The following SFSWAP variants were observed in gnomAD, a reference collection of about 807,000 sequenced individuals.
SFSWAP encodes splicing factor SWAP, also known as splicing factor, suppressor of white-apricot homolog.
In SFSWAP, 17 loss-of-function variants were observed where a neutral mutation model predicts 100.7. The ratio of observed to expected loss-of-function variants is 0.17; its 90% CI spans 0.12 to 0.25. The LOEUF is 0.25. SFSWAP is among the 10% of genes least tolerant of loss of function. The probability of loss-of-function intolerance (pLI) is 1.00; values close to 1 mark genes in which losing one functional copy is unlikely to be tolerated. For synonymous variants in SFSWAP, 504 were observed against 510.1 expected, an observed-to-expected ratio of 0.99 and a Z score of 0.16; for missense variants, 1,005 against 1,262.6, an observed-to-expected ratio of 0.80 and a Z score of 3.09.
intron 9 of SFSWAP, 97 bp downstream of exon 9, chr12:131,754,596 A>G (rs1881977999): frequency 2.5e-6 from 1 of 393,664 alleles, no homozygotes; most frequent in Non-Finnish European, 3.9e-6. Context: ...ATTTTTTTAT[A>G]TATTTTTAAG....
At chr12:131,741,199 C>A (rs1488090952) in intron 7 of SFSWAP, among the ~76,000 whole-genome samples, 5 of 151,882 alleles carry the variant, frequency 3.3e-5, no homozygotes, top group African/African-American at 1.2e-4. Context: ...AACTCCTGAC[C>A]TCGTGATCCA....
At chr12:131,713,344 G>A (rs1324465800) in intron 1 of SFSWAP, 1 of 152,216 alleles carries the variant, frequency 6.6e-6, no homozygotes. Flanking sequence ...ACATGGAAGT[G>A]TCTTCATGTA....
intron 7 of SFSWAP, among the ~76,000 whole-genome samples, chr12:131,741,503 G>GGT (rs1880625456): frequency 6.6e-6 from 1 of 151,964 alleles, no homozygotes; most frequent in South Asian, 2.1e-4. Flanking sequence ...TGACCATAAT[G>GGT]GCGCACACCT....
Position 131,738,885 on chromosome 12 carries a change from C to CTTTTTTTTTTTTTTTTTTTTTTTTTTT in SFSWAP, c.1081+10481_1081+10482insTTTTTTTTTTTTTTTTTTTTTTTTTTT, listed in dbSNP as rs71072785. Reference sequence around the variant, plus strand: ...TTCCAGTGCTGTAATGAACATTATTCTTTTTTTTTTTTTTTTTTTTTTTTG... The same window carrying CTTTTTTTTTTTTTTTTTTTTTTTTTTT: ...TTCCAGTGCTGTAATGAACATTATTCTTTTTTTTTTTTTTTTTTTTTTTTTTTTTTTTTTTTTTTTTTTTTTTTTTTG... On this transcript the variant is annotated intron_variant, in intron 7 of 17. Coordinates refer to ENST00000261674, the MANE Select transcript of SFSWAP (RefSeq NM_004592.4). Among the ~76,000 whole-genome samples, 8 of 48,718 alleles carry CTTTTTTTTTTTTTTTTTTTTTTTTTTT rather than the reference C, an allele frequency of 1.6e-4. 2 individuals are homozygous for CTTTTTTTTTTTTTTTTTTTTTTTTTTT. Among genetic ancestry groups the CTTTTTTTTTTTTTTTTTTTTTTTTTTT allele is most frequent in the East Asian group, 8.5e-4 (1 of 1,180 alleles). The allele number at this position is 48,718 out of a possible 152,430, so 32.0% of individuals were successfully genotyped here.
rs1882962995 is a variant in SFSWAP at position 131,764,651 on chromosome 12, C to T, written c.1916C>T (p.Pro639Leu). ...TGTGTAGTTGTTGAGGAGAAGAAGC[C>T]TCAACTTACCCAGGAGGAGCTAGAA... ...PPCVVVEEKK[P>L]QLTQEELEAK... is the part of the protein sequence containing the mutation. Residue 639 changes from proline to leucine, a missense_variant, in exon 12 of 18, where the codon CCT (proline) becomes CTT (leucine). Pro to Leu is a moderately conservative substitution (Grantham distance 98). Transcript: ENST00000261674. The T allele has an allele frequency of 6.2e-7, 1 of 1,614,100 alleles. No individual in the cohort carries two copies. The highest frequency in any genetic ancestry group is 8.5e-7 in the Non-Finnish European group (1 of 1,179,940).
Position 131,785,099 on chromosome 12 carries a change from G to T in SFSWAP, c.2409-1364G>T, listed in dbSNP as rs139197877. The T allele has an allele frequency of 1.3e-3, 1,941 of 1,535,584 alleles. 21 individuals carry two copies. The African/African-American group carries it at 0.023, about 18-fold the overall frequency. ...GTCACAGCCTCCCCAGGGACGCTGC[G>T]CGCGGAGCCCTGTCAGAGCAGCGCG... On this transcript the variant is annotated intron_variant, in intron 14 of 17. Coordinates refer to ENST00000261674, the MANE Select transcript of SFSWAP (RefSeq NM_004592.4).
At chr12:131,767,681 A>G (rs1284119688) in intron 13 of SFSWAP, among the ~76,000 whole-genome samples, 1 of 152,268 alleles carries the variant, frequency 6.6e-6, no homozygotes, top group Non-Finnish European at 1.5e-5. Flanking sequence ...TCATTTTATA[A>G]AATCTTTCTC....
chr12:131,783,792 T>TTATGTATATATATATATA (rs1555251680), intron 14 of SFSWAP: 1 of 86,684 alleles, frequency 1.2e-5, no homozygotes, highest in Admixed American at 1.5e-4. Flanking sequence ...AAAAAACATT[T>TTATGTATATATATATATA]TATATATATA....
chr12:131,753,869 C>T (rs1881897044), intron 8 of SFSWAP, among the ~76,000 whole-genome samples: 4 of 152,152 alleles, frequency 2.6e-5, no homozygotes, highest in Admixed American at 1.3e-4. Context: ...CCCCAGTGTT[C>T]AGGGGACGAG....
chr12:131,747,864 A>G (rs926570902), intron 7 of SFSWAP, among the ~76,000 whole-genome samples: 3 of 152,254 alleles, frequency 2.0e-5, no homozygotes, highest in African/African-American at 7.2e-5. Flanking sequence ...AGTTCAGCTC[A>G]GGGCTGGAGA....
intron 13 of SFSWAP, among the ~76,000 whole-genome samples, chr12:131,774,757 G>A (rs1394124000): frequency 6.6e-6 from 1 of 152,138 alleles, no homozygotes; most frequent in Non-Finnish European, 1.5e-5. Context: ...TCACCTTCAT[G>A]GTGAAGGATG....
At chr12:131,744,379 T>G (rs906844723) in intron 7 of SFSWAP, among the ~76,000 whole-genome samples, 1 of 152,220 alleles carries the variant, frequency 6.6e-6, no homozygotes, top group Non-Finnish European at 1.5e-5. Context: ...ATACCCTAAA[T>G]CATCTCTCTC....
At chr12:131,738,038 C>G (rs1880203532) in intron 7 of SFSWAP, among the ~76,000 whole-genome samples, 2 of 151,980 alleles carry the variant, frequency 1.3e-5, no homozygotes, top group East Asian at 3.9e-4. Flanking sequence ...ATGCTGCCCA[C>G]TGTGATAGCC....
At chr12:131,757,815 C>G (rs1045168081) in intron 11 of SFSWAP, 1 of 152,232 alleles carries the variant, frequency 6.6e-6, no homozygotes, top group East Asian at 1.9e-4. Flanking sequence ...TGATCCAGCT[C>G]TCACCCTTCC....
intron 15 of SFSWAP, among the ~76,000 whole-genome samples, chr12:131,791,979 CTGTGTGTGCACCCG>C (rs1026917369): frequency 1.6e-4 from 24 of 148,268 alleles, no homozygotes; most frequent in African/African-American, 2.5e-4. Flanking sequence ...CTGGTCATTA[CTGTGTGTGCACCCG>C]TGTGTGTGCA....
intron 9 of SFSWAP, 110 bp from the exon 10 acceptor site, chr12:131,755,276 C>T (rs1182570838): frequency 9.3e-6 from 7 of 755,686 alleles, no homozygotes; most frequent in Non-Finnish European, 1.6e-5. Context: ...AAAACAGTAA[C>T]CACCTTGTGG....
At chr12:131,716,538 T>C (rs1378420076) in intron 3 of SFSWAP, among the ~76,000 whole-genome samples, 1 of 152,240 alleles carries the variant, frequency 6.6e-6, no homozygotes, top group Non-Finnish European at 1.5e-5. Flanking sequence ...ATAGATACTA[T>C]AGCCACTTCA....
chr12:131,766,712 G>A lies in SFSWAP; in HGVS notation c.2142+404G>A, dbSNP rs112852007. On this transcript the variant is annotated intron_variant, in intron 13 of 17. Coordinates refer to ENST00000261674, the MANE Select transcript of SFSWAP (RefSeq NM_004592.4). ...CGTGGGGCAGAAATCCTTTTGCCACGGTCTGTATCAATGTCAGCACTTTAA... is the reference window on the plus strand; with the variant it reads ...CGTGGGGCAGAAATCCTTTTGCCACAGTCTGTATCAATGTCAGCACTTTAA... Among the ~76,000 whole-genome samples the A allele has an allele frequency of 2.6e-3, 397 of 152,202 alleles. 5 individuals carry two copies. Among genetic ancestry groups the A allele is most frequent in the East Asian group, 0.014 (70 of 5,174 alleles).
chr12:131,763,893 G>A (rs373629589), intron 11 of SFSWAP, among the ~76,000 whole-genome samples: 1 of 151,530 alleles, frequency 6.6e-6, no homozygotes, highest in Admixed American at 6.6e-5. Flanking sequence ...TTGGGAGGCC[G>A]AGGCAGGCGG....
Sources: gnomAD v4.1 joint callset for allele counts (sites outside exome capture counted in the v4.1 genomes callset) on GRCh38, gnomAD v4.1.1 for gene constraint, MANE v1.5 for transcripts, NCBI Gene and HGNC (gene_info 2026-07-23, HGNC 2026-07-21) for gene names.